The following NBEA variants were observed in gnomAD, a reference collection of about 807,000 sequenced individuals.
The protein encoded by NBEA is neurobeachin.
NBEA carries 44 observed loss-of-function variants against 343.4 expected under a neutral mutation model. The ratio of observed to expected loss-of-function variants is 0.13; its 90% CI spans 0.10 to 0.16. The LOEUF (loss-of-function observed/expected upper bound fraction) is 0.16, where lower values mean the gene tolerates loss of function less well. Ranked by LOEUF, NBEA falls within the 10% of genes least tolerant of loss-of-function variation. The pLI is 1.00. For synonymous variants in NBEA, 1,175 were observed against 1,238.7 expected (o/e 0.95, Z 1.08); for missense variants, 2,555 against 3,631.3 (o/e 0.70, Z 7.62).
intron 44 of NBEA, among the ~76,000 whole-genome samples, chr13:35,565,382 T>C (rs1242231681): frequency 1.3e-5 from 2 of 152,210 alleles, no homozygotes; most frequent in East Asian, 3.8e-4. Context: ...TGTAGTTCTT[T>C]TTTTTTCTAT....
Position 35,649,694 on chromosome 13 carries a change from A to G in NBEA, c.7810A>G (p.Met2604Val), listed in dbSNP as rs747685910. The G allele has an allele frequency of 6.2e-7, 1 of 1,613,946 alleles. No individual in the cohort carries two copies. The highest frequency in any genetic ancestry group is 2.2e-5 in the East Asian group (1 of 44,878). ...PQSPLMFKDQ[M>V]QQDVIMVLKF... ...GAGTCCGCTCATGTTTAAAGATCAG[A>G]TGCAACAGGATGTGATAATGGTGCT... Residue 2604 changes from methionine (M) to valine (V), a missense_variant, in exon 52 of 59, where the codon ATG becomes GTG. Coordinates refer to ENST00000379939, the MANE Select transcript of NBEA (RefSeq NM_001385012.1).
chr13:35,638,113 G>A (rs1213904417), intron 49 of NBEA, among the ~76,000 whole-genome samples: 2 of 152,088 alleles, frequency 1.3e-5, no homozygotes, highest in East Asian at 1.9e-4. Context: ...GGGACTAGAG[G>A]GAGTGGCGAG....
rs532266741 is a variant in NBEA at position 35,264,015 on chromosome 13, C to G, written c.5777-26374C>G. On this transcript the variant is annotated intron_variant, in intron 34 of 58. Coordinates refer to ENST00000379939, the MANE Select transcript of NBEA (RefSeq NM_001385012.1). ...TTTTTTTAAAGAAAAACTTTACAAA[C>G]CATTAGCTAGACTAAGAAAAAAGAG... Among the ~76,000 whole-genome samples, 4 of 148,522 alleles carry G rather than the reference C, an allele frequency of 2.7e-5. No homozygotes were observed. The South Asian group carries it at 8.5e-4, about 32-fold the overall frequency.
Position 35,123,568 on chromosome 13 carries a change from G to C in NBEA, c.2330G>C (p.Gly777Ala). Residue 777 changes from glycine (G) to alanine (A), a missense_variant, in exon 17 of 59, where the codon GGT becomes GCT. This residue lies in a region of NBEA where 360 missense variants were observed against 519.1 expected (regional missense o/e 0.69). Transcript: ENST00000379939. ...KVLGYFLKHL[G>A]HKRKVEIMHT... The stretch of plus-strand genomic sequence containing the variant: ...CTGGGATACTTTCTGAAGCATTTAG[G>C]TCACAAGTAAGTTGATATTTGTCAT... 1 of 1,497,380 alleles carries C rather than the reference G, an allele frequency of 6.7e-7. No homozygotes were observed. The highest frequency in any genetic ancestry group is 9.0e-7 in the Non-Finnish European group (1 of 1,112,596). 92.8% of individuals were successfully genotyped at this position (1,497,380 alleles called of 1,614,324 possible).
intron 41 of NBEA, among the ~76,000 whole-genome samples, chr13:35,521,950 G>A (rs2077735503): frequency 6.6e-6 from 1 of 152,174 alleles, no homozygotes; most frequent in African/African-American, 2.4e-5. Context: ...TTTGGAGAAA[G>A]ATAGGAAGAT....
intron 41 of NBEA, among the ~76,000 whole-genome samples, chr13:35,511,568 C>T (rs139532947): frequency 6.6e-6 from 1 of 152,240 alleles, no homozygotes; most frequent in Admixed American, 6.5e-5. Context: ...TCTCAACCCT[C>T]ATCAGGTGTT....
chr13:35,193,362 T>C (rs2072339928), intron 30 of NBEA, among the ~76,000 whole-genome samples: 1 of 151,974 alleles, frequency 6.6e-6, no homozygotes, highest in Admixed American at 6.6e-5. Context: ...GCTATTCTTC[T>C]TTTGACCTAC....
At chr13:35,589,911 T>C (rs1455457169) in intron 46 of NBEA, among the ~76,000 whole-genome samples, 1 of 152,100 alleles carries the variant, frequency 6.6e-6, no homozygotes, top group Non-Finnish European at 1.5e-5. Flanking sequence ...GCCATTTATA[T>C]TGCAGGACCT....
At chr13:35,353,388 T>A (rs1350859835) in intron 38 of NBEA, among the ~76,000 whole-genome samples, 4 of 151,980 alleles carry the variant, frequency 2.6e-5, no homozygotes, top group African/African-American at 9.7e-5. Context: ...TGAGCCGAGA[T>A]TGTGCCACAG....
intron 34 of NBEA, among the ~76,000 whole-genome samples, chr13:35,248,033 A>G (rs1041862560): frequency 6.6e-6 from 1 of 152,190 alleles, no homozygotes; most frequent in Non-Finnish European, 1.5e-5. Context: ...AAGTTCCTGG[A>G]ACCACACAAC....
At chr13:35,216,725 C>T (rs1389660716) in intron 33 of NBEA, among the ~76,000 whole-genome samples, 2 of 151,952 alleles carry the variant, frequency 1.3e-5, no homozygotes, top group African/African-American at 4.8e-5. Context: ...CAAATTGTTG[C>T]ATGAATTAAT....
At chr13:35,382,485 C>T (rs2042061716) in intron 38 of NBEA, among the ~76,000 whole-genome samples, 1 of 152,204 alleles carries the variant, frequency 6.6e-6, no homozygotes, top group East Asian at 1.9e-4. Flanking sequence ...AACTCATTAA[C>T]AGTTTTGTTG....
intron 36 of NBEA, among the ~76,000 whole-genome samples, chr13:35,327,763 A>C (rs1257224197): frequency 6.6e-6 from 1 of 151,934 alleles, no homozygotes; most frequent in Admixed American, 6.6e-5. Context: ...CATCCCCTGA[A>C]TCTAAAATAA....
intron 7 of NBEA, 129 bp downstream of exon 7, chr13:35,056,258 T>G: frequency 1.2e-6 from 1 of 838,250 alleles, no homozygotes; most frequent in Non-Finnish European, 1.6e-6. Flanking sequence ...TTTTATTAAA[T>G]AAATCTTTCA....
intron 39 of NBEA, 106 bp from the exon 40 acceptor site, chr13:35,451,986 T>G (rs2046335332): frequency 2.4e-6 from 2 of 817,434 alleles, no homozygotes; most frequent in East Asian, 2.7e-5. Flanking sequence ...TAAAGTAATA[T>G]GTAAATGCAG....
At chr13:35,379,859 C>T (rs2041924022) in intron 38 of NBEA, among the ~76,000 whole-genome samples, 1 of 152,116 alleles carries the variant, frequency 6.6e-6, no homozygotes, top group African/African-American at 2.4e-5. Context: ...CTCACACTGT[C>T]TTAATTACCA....
intron 34 of NBEA, among the ~76,000 whole-genome samples, chr13:35,268,326 A>G (rs2033856800): frequency 6.6e-6 from 1 of 151,970 alleles, no homozygotes; most frequent in African/African-American, 2.4e-5. Context: ...CAGAAAATAG[A>G]ATGGTGGTGG....
intron 36 of NBEA, among the ~76,000 whole-genome samples, chr13:35,321,760 T>C (rs1217929136): frequency 1.3e-5 from 2 of 152,164 alleles, no homozygotes; most frequent in East Asian, 3.9e-4. Flanking sequence ...AGCTCCTGAC[T>C]GGGGCTGCTG....
At chr13:35,351,151 G>A (rs1459179715) in intron 37 of NBEA, among the ~76,000 whole-genome samples, 1 of 151,928 alleles carries the variant, frequency 6.6e-6, no homozygotes, top group Non-Finnish European at 1.5e-5. Flanking sequence ...TATATCAATA[G>A]ATAAATGAGA....
Sources: gnomAD v4.1 joint callset for allele counts (sites outside exome capture counted in the v4.1 genomes callset) on GRCh38, gnomAD v4.1.1 for gene constraint, gnomAD v4.1.1 regional missense constraint, MANE v1.5 for transcripts, NCBI Gene and HGNC (gene_info 2026-07-23, HGNC 2026-07-21) for gene names.